The following PCDHA9 variants were observed in gnomAD, a reference collection of about 807,000 sequenced individuals.
The protein encoded by PCDHA9 is protocadherin alpha 9, also known as protocadherin alpha-9.
In PCDHA9, 62 loss-of-function variants were observed where a neutral mutation model predicts 62.0. The observed-to-expected ratio is 1.00, with a 90% CI of 0.81 to 1.23. PCDHA9 has a LOEUF of 1.23. Ranked by LOEUF, PCDHA9 falls within the 50% of genes most tolerant of loss-of-function variation. The probability of loss-of-function intolerance (pLI) is 0.00; values close to 1 mark genes in which losing one functional copy is unlikely to be tolerated. For missense variants in PCDHA9, 1,205 were observed against 1,249.8 expected (o/e 0.96, Z 0.54); for synonymous variants, 557 against 567.6 (o/e 0.98, Z 0.27).
intron 1 of PCDHA9, among the ~76,000 whole-genome samples, chr5:140,948,620 T>TTAA (rs1422284059): frequency 6.6e-6 from 1 of 151,716 alleles, no homozygotes; most frequent in African/African-American, 2.4e-5. Context: ...CACAAAGTTG[T>TTAA]TAATAATATT....
At chr5:140,998,779 G>T (rs782154283) in intron 3 of PCDHA9, among the ~76,000 whole-genome samples, 3 of 152,140 alleles carry the variant, frequency 2.0e-5, no homozygotes, top group Non-Finnish European at 4.4e-5. Context: ...GGTCAGGCTG[G>T]TCTGGAACCC....
At chr5:140,903,149 T>C (rs1329505317) in intron 1 of PCDHA9, among the ~76,000 whole-genome samples, 1 of 152,242 alleles carries the variant, frequency 6.6e-6, no homozygotes, top group Non-Finnish European at 1.5e-5. Context: ...CTGTTTTCCA[T>C]AGTGGTTGTG....
In PCDHA9 at chr5:140,849,164, T is replaced by A. The variant is rs2150431781; in HGVS notation, c.669T>A (p.Thr223=). The change falls in exon 1 of 4, where the codon ACT becomes ACA. Residue 223 remains threonine, a synonymous_variant. Transcript: ENST00000532602. The stretch of plus-strand genomic sequence containing the variant: ...CCGATGGAGGCAAACCCGAGCTGAC[T>A]GGCACCGTTCAATTACTCATCACGG... The part of the protein sequence containing the change: ...TATDGGKPEL[T]GTVQLLITVL... 2.2e-5 allele frequency: 26 copies of A among 1,167,304 alleles called. No homozygotes were observed. In the East Asian group the frequency reaches 6.1e-4, roughly 28 times the overall value. 72.3% of individuals were successfully genotyped at this position (1,167,304 alleles called of 1,614,324 possible).
intron 1 of PCDHA9, among the ~76,000 whole-genome samples, chr5:140,958,321 AAAAT>A: frequency 1.3e-5 from 2 of 152,256 alleles, no homozygotes; most frequent in Middle Eastern, 6.8e-3. Context: ...TAGAGCTCAA[AAAAT>A]AAATAAATCA....
At chr5:140,877,166 T>C in intron 1 of PCDHA9, 3 of 1,613,836 alleles carry the variant, frequency 1.9e-6, no homozygotes, top group Non-Finnish European at 2.5e-6. Context: ...GCGCCGGCAC[T>C]GCTGGCGACT....
chr5:140,908,861 T>C (rs1554193539), intron 1 of PCDHA9, among the ~76,000 whole-genome samples: 1 of 152,160 alleles, frequency 6.6e-6, no homozygotes, highest in Admixed American at 6.5e-5. Flanking sequence ...AAATGAGGAA[T>C]GTGTTGCCTC....
At chr5:140,945,034 C>T (rs1218648203) in intron 1 of PCDHA9, among the ~76,000 whole-genome samples, 1 of 152,066 alleles carries the variant, frequency 6.6e-6, no homozygotes, top group East Asian at 1.9e-4. Flanking sequence ...ACATAATTAT[C>T]TTTGGTCTTA....
At chr5:140,887,955 CT>C (rs2061644555) in intron 1 of PCDHA9, among the ~76,000 whole-genome samples, 1 of 152,088 alleles carries the variant, frequency 6.6e-6, no homozygotes, top group Non-Finnish European at 1.5e-5. Flanking sequence ...GTATAAGATT[CT>C]TTTTGTCTCT....
rs2153463747 is a variant in PCDHA9 at position 140,899,363 on chromosome 5, C to G, written c.2394+48474C>G. On this transcript the variant is annotated intron_variant, in intron 1 of 3. Coordinates refer to ENST00000532602, the MANE Select transcript of PCDHA9 (RefSeq NM_031857.2). ...AGCTCTTATTATTTTGAGATATGTC[C>G]CATCAATACCTAATTTATTGAGAGT... Among the ~76,000 whole-genome samples, 3 of 152,122 alleles carry G rather than the reference C, an allele frequency of 2.0e-5. No individual in the cohort carries two copies. The South Asian group carries it at 6.2e-4, about 32-fold the overall frequency.
At chr5:140,884,396 C>T (rs2060144550) in intron 1 of PCDHA9, 1 of 1,614,012 alleles carries the variant, frequency 6.2e-7, no homozygotes, top group Middle Eastern at 1.6e-4. Context: ...GGTGTCCAGC[C>T]TGTTGGTGCT....
chr5:140,857,681 G>C lies in PCDHA9; in HGVS notation c.2394+6792G>C, dbSNP rs2044790199. 3 of 1,596,838 alleles carry C rather than the reference G, an allele frequency of 1.9e-6. No individual in the cohort carries two copies. In the African/African-American group the frequency reaches 4.0e-5, roughly 22 times the overall value. The stretch of plus-strand genomic sequence containing the variant: ...GCGCGATGGGGGCGTGCCGCCTCTG[G>C]GCAGCAACTTGACGCTGCAGGTGTT... On this transcript the variant is annotated intron_variant, in intron 1 of 3. Transcript: ENST00000532602.
At chr5:140,867,805 T>C (rs1260432905) in intron 1 of PCDHA9, 1 of 152,150 alleles carries the variant, frequency 6.6e-6, no homozygotes. Flanking sequence ...GCATTTTCTA[T>C]GAAATTCCAT....
chr5:140,871,413 C>A (rs2053063966), intron 1 of PCDHA9: 1 of 1,614,002 alleles, frequency 6.2e-7, no homozygotes, highest in East Asian at 2.2e-5. Flanking sequence ...ACCTCATGGC[C>A]TTCAGCCCCA....
At chr5:140,894,717 A>G (rs1349709964) in intron 1 of PCDHA9, among the ~76,000 whole-genome samples, 1 of 151,920 alleles carries the variant, frequency 6.6e-6, no homozygotes, top group Non-Finnish European at 1.5e-5. Flanking sequence ...GTTGTTTTCA[A>G]ATATTACGTA....
chr5:140,944,992 C>T (rs561484046), intron 1 of PCDHA9, among the ~76,000 whole-genome samples: 11 of 152,114 alleles, frequency 7.2e-5, no homozygotes, highest in South Asian at 2.1e-4. Flanking sequence ...ACTTCTGTAA[C>T]GGTTGTGGGT....
intron 1 of PCDHA9, among the ~76,000 whole-genome samples, chr5:140,974,875 A>G (rs934874769): frequency 1.6e-4 from 24 of 152,174 alleles, no homozygotes; most frequent in Non-Finnish European, 1.9e-4. Context: ...GGAACAGTCT[A>G]TGTATCCCTT....
chr5:140,855,814 G>T, intron 1 of PCDHA9: 1 of 513,024 alleles, frequency 1.9e-6, no homozygotes, highest in Non-Finnish European at 3.4e-6. Context: ...AAGAAAAGTT[G>T]TGAACTCATG....
In PCDHA9 at chr5:140,856,431, A is replaced by G. The variant is rs782173275; in HGVS notation, c.2394+5542A>G. 21 of 1,597,862 alleles carry G rather than the reference A, an allele frequency of 1.3e-5. 4 individuals are homozygous for G. In the South Asian group the frequency reaches 2.2e-4, roughly 17 times the overall value. On this transcript the variant is annotated intron_variant, in intron 1 of 3. Transcript: ENST00000532602. ...GTGGAAGTGAAGGACATTAACGACA[A>G]CCCGCCCAGGTTCTCCGTAACAGAA...
chr5:140,979,094 T>G, intron 2 of PCDHA9, 87 bp downstream of exon 2: 3 of 1,551,990 alleles, frequency 1.9e-6, no homozygotes, highest in Non-Finnish European at 2.6e-6. Context: ...CAGAAGCAGC[T>G]GTCAAAACTA....
Sources: allele counts gnomAD v4.1 joint callset (sites outside exome capture counted in the v4.1 genomes callset), GRCh38; gene constraint gnomAD v4.1.1; transcripts MANE v1.5; gene names NCBI Gene and HGNC (gene_info 2026-07-23, HGNC 2026-07-21).